DNAJC10: variants seen among roughly 807,000 people sequenced by gnomAD.
The protein encoded by DNAJC10 is DnaJ heat shock protein family (Hsp40) member C10.
A neutral mutation model predicts 115.0 loss-of-function variants in DNAJC10; 101 were observed. The observed-to-expected ratio is 0.88, with a 90% confidence interval of 0.75 to 1.04. The LOEUF is 1.04. DNAJC10 is among the 50% of genes least tolerant of loss of function. The pLI, the probability that DNAJC10 is intolerant of heterozygous loss-of-function variation, is 0.00. For missense variants in DNAJC10, 981 were observed against 928.8 expected (o/e 1.06, Z -0.73); for synonymous variants, 307 against 301.5 (o/e 1.02, Z -0.19).
chr2:182,769,035 C>G (rs995265162), intron 22 of DNAJC10, among the ~76,000 whole-genome samples: 2 of 152,126 alleles, frequency 1.3e-5, no homozygotes, highest in Admixed American at 6.6e-5. Context: ...TCCAAGTGAT[C>G]TCATTGTTCA....
chr2:182,740,788 TC>T (rs1693713548), intron 12 of DNAJC10, among the ~76,000 whole-genome samples: 1 of 152,152 alleles, frequency 6.6e-6, no homozygotes, highest in African/African-American at 2.4e-5. Flanking sequence ...CAGTTTTTTT[TC>T]CTATTAGGTT....
chr2:182,722,622 A>G (rs968512462), intron 5 of DNAJC10, among the ~76,000 whole-genome samples: 1 of 152,200 alleles, frequency 6.6e-6, no homozygotes, highest in Non-Finnish European at 1.5e-5. Flanking sequence ...ATATTGCTCT[A>G]TCACAATTGT....
At chr2:182,749,518 C>G (rs1443509655) in intron 14 of DNAJC10, among the ~76,000 whole-genome samples, 2 of 150,086 alleles carry the variant, frequency 1.3e-5, no homozygotes, top group African/African-American at 4.9e-5. Context: ...GGTAGATCTT[C>G]CTCCATCCTT....
chr2:182,756,747 C>G (rs1008117512), intron 18 of DNAJC10, among the ~76,000 whole-genome samples: 1 of 151,864 alleles, frequency 6.6e-6, no homozygotes, highest in African/African-American at 2.4e-5. Flanking sequence ...CTCGGCTCAC[C>G]GCAACCTCAA....
At chr2:182,776,862 A>G (rs1694720294) in intron 23 of DNAJC10, among the ~76,000 whole-genome samples, 1 of 152,196 alleles carries the variant, frequency 6.6e-6, no homozygotes, top group Admixed American at 6.6e-5. Context: ...AATTAAGTTA[A>G]AGAGAATACC....
intron 23 of DNAJC10, 147 bp from the exon 24 acceptor site, chr2:182,776,974 A>G: frequency 4.3e-6 from 2 of 465,578 alleles, no homozygotes; most frequent in Non-Finnish European, 7.5e-6. Context: ...TATTTTGGCA[A>G]AGTATATTTC....
chr2:182,746,061 A>G (rs2105655533), intron 14 of DNAJC10, among the ~76,000 whole-genome samples: 1 of 152,352 alleles, frequency 6.6e-6, no homozygotes, highest in Admixed American at 6.5e-5. Flanking sequence ...TACAAAGGAC[A>G]TGAACTCATC....
rs1574970126 is a variant in DNAJC10, at chr2:182,791,363, A to G, written c.*14231A>G. ...GTATTCAGGTGGCCATTTATACACA[A>G]TATTTTTGAATACTATTCTGGCCAA... On this transcript the variant is annotated 3_prime_UTR_variant, in exon 24 of 24. Transcript: ENST00000264065. The G allele has an allele frequency of 2.0e-5, 3 of 152,178 alleles. No individual in the cohort carries two copies. The highest frequency in any genetic ancestry group is 2.0e-4 in the Admixed American group (3 of 15,282). The allele number at this position is 152,178 out of a possible 1,614,324, so 9.4% of individuals were successfully genotyped here. A position where few individuals can be genotyped will look rare whatever the true frequency, so the allele number is the denominator to read the frequency against.
rs747283899 is a variant in DNAJC10 at position 182,718,290 on chromosome 2, G to A, written c.204G>A (p.Pro68=). The change falls in exon 3 of 24, where the codon CCG becomes CCA. Residue 68 remains proline (P), a splice_region_variant and synonymous_variant. Coordinates refer to ENST00000264065, the MANE Select transcript of DNAJC10 (RefSeq NM_018981.4). ...TGAAGTTACATCCTGATAAAAACCC[G>A]GTAGGTAAACGTTTGTTTTTAAAAA... ...LALKLHPDKN[P]NNPNAHGDFL... is the part of the protein sequence containing the mutation. 1.6e-5 allele frequency: 25 copies of A among 1,586,368 alleles called. No homozygotes were observed. In the African/African-American group the frequency reaches 1.8e-4, roughly 11 times the overall value.
chr2:182,739,165 T>TATATATATATATAGTATATATC (rs1693663620), intron 11 of DNAJC10, among the ~76,000 whole-genome samples: 1 of 48,738 alleles, frequency 2.1e-5, no homozygotes, highest in Non-Finnish European at 8.1e-5. Context: ...ATGTTTATGA[T>TATATATATATATAGTATATATC]ATATATATAT....
chr2:182,723,354 C>T (rs1693202975), intron 5 of DNAJC10, among the ~76,000 whole-genome samples: 1 of 152,126 alleles, frequency 6.6e-6, no homozygotes. Flanking sequence ...CCAAGGGTGG[C>T]ATTTTAATCT....
In DNAJC10 at chr2:182,752,161, T is replaced by C. The variant is rs1187151658; in HGVS notation, c.1524T>C (p.Cys508=). 6.2e-7 allele frequency: 1 copy of C among 1,609,738 alleles called. No homozygotes were observed. The highest frequency in any genetic ancestry group is 8.5e-7 in the Non-Finnish European group (1 of 1,176,886). Residue 508 remains cysteine (C), a synonymous_variant, in exon 16 of 24, where the codon TGT becomes TGC. Transcript: ENST00000264065. ...YGQLKFGTLD[C]TVHEGLCNMY... ...AGCTTAAGTTTGGTACACTAGATTGTACAGTTCATGAGGGACTCTGTAACA... is the reference window on the plus strand; with the variant it reads ...AGCTTAAGTTTGGTACACTAGATTGCACAGTTCATGAGGGACTCTGTAACA...
At position 182,732,646 on chromosome 2, in the gene DNAJC10, C is replaced by A. The variant is rs566700799; in HGVS notation, c.849+104C>A. 6.4e-5 allele frequency: 71 copies of A among 1,110,176 alleles called. No individual in the cohort carries two copies. The African/African-American group carries it at 1.0e-3, about 16-fold the overall frequency. The allele number at this position is 1,110,176 out of a possible 1,614,324, so 68.8% of individuals were successfully genotyped here. ...CCTTATTTCTTGAACATTTAACTCACCTATTTGTAATCTTATTTTCTGATG... is the reference window on the plus strand; with the variant it reads ...CCTTATTTCTTGAACATTTAACTCAACTATTTGTAATCTTATTTTCTGATG... On this transcript the variant is annotated intron_variant, in intron 10 of 23. Transcript: ENST00000264065.
At position 182,748,448 on chromosome 2, in the gene DNAJC10, T is replaced by C. The variant is rs144925942; in HGVS notation, c.1307-3210T>C. On this transcript the variant is annotated intron_variant, in intron 14 of 23. Coordinates refer to ENST00000264065, the MANE Select transcript of DNAJC10 (RefSeq NM_018981.4). The stretch of plus-strand genomic sequence containing the variant: ...ATTCAGAGATTCAACTTCTTCCTGG[T>C]TTAGTCTTGGGATAGTGTATGAGTC... Among the ~76,000 whole-genome samples the C allele has an allele frequency of 1.7e-3, 265 of 152,312 alleles. 2 individuals are homozygous for C. Among genetic ancestry groups the C allele is most frequent in the African/African-American group, 6.1e-3 (252 of 41,556 alleles).
chr2:182,718,179 C>G lies in DNAJC10; in HGVS notation c.93C>G (p.Gly31=). The change falls in exon 3 of 24, where the codon GGC becomes GGG. Residue 31 remains glycine, a synonymous_variant. Coordinates refer to ENST00000264065, the MANE Select transcript of DNAJC10 (RefSeq NM_018981.4). ...TAGTGTATATGGCCATTTTAGTGGG[C>G]ACAGATCAGGATTTTTACAGTTTAC... ...FLIVYMAILV[G]TDQDFYSLLG... is the part of the protein sequence containing the mutation. The G allele has an allele frequency of 6.2e-7, 1 of 1,613,414 alleles. No individual in the cohort carries two copies. The highest frequency in any genetic ancestry group is 8.5e-7 in the Non-Finnish European group (1 of 1,179,696).
intron 10 of DNAJC10, among the ~76,000 whole-genome samples, chr2:182,734,465 G>A (rs1449192817): frequency 6.6e-6 from 1 of 151,474 alleles, no homozygotes. Flanking sequence ...TTTTTAAGTT[G>A]TTAAGCCTTG....
chr2:182,770,019 G>A lies in DNAJC10; in HGVS notation c.2266-5297G>A, dbSNP rs532387960. Among the ~76,000 whole-genome samples the A allele has an allele frequency of 1.4e-4, 21 of 152,294 alleles. No homozygotes were observed. The South Asian group carries it at 4.3e-3, about 32-fold the overall frequency. ...GTATAAGGTGTAAGGAAGGGATCCA[G>A]TTTCACCTTTCTACATATGGCTAGC... is the stretch of plus-strand genomic sequence containing the variant. On this transcript the variant is annotated intron_variant, in intron 22 of 23. Coordinates refer to ENST00000264065, the MANE Select transcript of DNAJC10 (RefSeq NM_018981.4).
At chr2:182,771,823 G>T (rs1426112720) in intron 22 of DNAJC10, among the ~76,000 whole-genome samples, 2 of 151,774 alleles carry the variant, frequency 1.3e-5, no homozygotes, top group Non-Finnish European at 2.9e-5. Flanking sequence ...CTCTCTTTCA[G>T]TTCTGCTCTG....
At chr2:182,728,226 C>A (rs749353572) in intron 5 of DNAJC10, among the ~76,000 whole-genome samples, 1 of 152,124 alleles carries the variant, frequency 6.6e-6, no homozygotes, top group African/African-American at 2.4e-5. Flanking sequence ...CAAACTCTTA[C>A]GTGAGGTTTG....
Sources: allele counts gnomAD v4.1 joint callset (sites outside exome capture counted in the v4.1 genomes callset), GRCh38; gene constraint gnomAD v4.1.1; transcripts MANE v1.5; gene names NCBI Gene and HGNC (gene_info 2026-07-23, HGNC 2026-07-21).